The following PLAAT1 variants were observed in gnomAD, a reference collection of about 807,000 sequenced individuals.
The protein encoded by PLAAT1 is H-REV107 protein-related protein.
A neutral mutation model predicts 16.4 loss-of-function variants in PLAAT1; 13 were observed. The ratio of observed to expected loss-of-function variants is 0.79; its 90% CI spans 0.52 to 1.26. The LOEUF is 1.26. Among genes scored for constraint, PLAAT1 ranks in the 50% most tolerant of loss-of-function variants. The pLI is 0.00. For missense variants in PLAAT1, 218 were observed against 207.8 expected, an observed-to-expected ratio of 1.05 and a Z score of -0.30; for synonymous variants, 73 against 78.4, an observed-to-expected ratio of 0.93 and a Z score of 0.36.
At chr3:193,242,430 A>AT (rs1715803342) in intron 1 of PLAAT1, among the ~76,000 whole-genome samples, 1 of 152,044 alleles carries the variant, frequency 6.6e-6, no homozygotes. Flanking sequence ...ATCGACTTGG[A>AT]TTTTTTAAGA....
At chr3:193,267,154 A>G (rs906072199) in intron 3 of PLAAT1, among the ~76,000 whole-genome samples, 1 of 152,170 alleles carries the variant, frequency 6.6e-6, no homozygotes, top group Non-Finnish European at 1.5e-5. Flanking sequence ...CTTCATCAAT[A>G]TGTCACATCA....
At chr3:193,251,346 T>C (rs1262090864) in intron 1 of PLAAT1, among the ~76,000 whole-genome samples, 4 of 152,154 alleles carry the variant, frequency 2.6e-5, no homozygotes, top group Non-Finnish European at 5.9e-5. Context: ...TGAAGAGGTT[T>C]ATTCTTTTTT....
At chr3:193,270,502 T>G in intron 3 of PLAAT1, 102 bp from the exon 4 acceptor site, 1 of 978,518 alleles carries the variant, frequency 1.0e-6, no homozygotes, top group Non-Finnish European at 1.5e-6. Flanking sequence ...CATTGTACAT[T>G]AAAACAGGTG....
At position 193,263,079 on chromosome 3, in the gene PLAAT1, C is replaced by T. The variant is rs751225264; in HGVS notation, c.249C>T (p.Asn83=). 3 of 1,614,006 alleles carry T rather than the reference C, an allele frequency of 1.9e-6. No individual in the cohort carries two copies. The South Asian group carries it at 3.3e-5, about 18-fold the overall frequency. The change falls in exon 3 of 4, where the codon AAC becomes AAT. Residue 83 remains asparagine, a synonymous_variant. Coordinates refer to ENST00000264735, the MANE Select transcript of PLAAT1 (RefSeq NM_020386.5). The part of the protein sequence containing the change: ...DVVGNDTYRI[N]NKYDETYPPL... ...TGGGAAATGACACATACAGAATAAA[C>T]AATAAATACGATGAAACGTACCCCC...
chr3:193,275,259 C>A, downstream of PLAAT1: 2 of 1,614,014 alleles, frequency 1.2e-6, no homozygotes, highest in Non-Finnish European at 1.7e-6. Flanking sequence ...TCCAAATTCT[C>A]TTTTGATCAA....
At chr3:193,244,410 T>C (rs1325979535) in intron 1 of PLAAT1, among the ~76,000 whole-genome samples, 1 of 152,104 alleles carries the variant, frequency 6.6e-6, no homozygotes, top group Admixed American at 6.6e-5. Context: ...CAACATTTGA[T>C]GTTGTCACTG....
At chr3:193,244,260 A>G (rs1715889322) in intron 1 of PLAAT1, among the ~76,000 whole-genome samples, 1 of 152,124 alleles carries the variant, frequency 6.6e-6, no homozygotes, top group Admixed American at 6.5e-5. Flanking sequence ...AAATGCCTAG[A>G]AGTACAGTTG....
At chr3:193,242,120 C>T (rs1238568300) in intron 1 of PLAAT1, among the ~76,000 whole-genome samples, 1 of 142,954 alleles carries the variant, frequency 7.0e-6, no homozygotes, top group Non-Finnish European at 1.5e-5. Flanking sequence ...TTTTTTTTTG[C>T]GCTTTTTTTT....
At chr3:193,270,449 C>T (rs1212164656) in intron 3 of PLAAT1, among the ~76,000 whole-genome samples, 155 bp from the exon 4 acceptor site, 3 of 152,182 alleles carry the variant, frequency 2.0e-5, no homozygotes, top group Admixed American at 2.0e-4. Context: ...ATTTCTTCAT[C>T]TTTATGCAGA....
At chr3:193,272,122 A>G (rs1222014184), downstream of PLAAT1, among the ~76,000 whole-genome samples, 1 of 152,050 alleles carries the variant, frequency 6.6e-6, no homozygotes, top group Non-Finnish European at 1.5e-5. Flanking sequence ...TGTTCCTTTT[A>G]TGCCTTGTTC....
intron 1 of PLAAT1, among the ~76,000 whole-genome samples, chr3:193,255,246 G>A (rs2367471): frequency 0.9 from 137,427 of 152,210 alleles, 62,266 homozygotes; most frequent in East Asian, 0.98. Flanking sequence ...GATATTATAT[G>A]TTTACTTTCC....
At chr3:193,258,610 A>G (rs1306395320) in intron 2 of PLAAT1, among the ~76,000 whole-genome samples, 2 of 152,194 alleles carry the variant, frequency 1.3e-5, no homozygotes, top group African/African-American at 2.4e-5. Flanking sequence ...CCTAGAGACT[A>G]TTATGAACAC....
At chr3:193,279,533 T>C, downstream of PLAAT1, 1 of 1,139,506 alleles carries the variant, frequency 8.8e-7, no homozygotes, top group East Asian at 2.4e-5. Context: ...GAATCAATTA[T>C]CTCTGTTGGG....
downstream of PLAAT1, chr3:193,281,320 A>G: frequency 2.3e-6 from 1 of 444,308 alleles, no homozygotes. Context: ...ATGGTCTAAA[A>G]ACTAGGTCTC....
chr3:193,254,352 T>A (rs910022208), intron 1 of PLAAT1, among the ~76,000 whole-genome samples: 2 of 152,182 alleles, frequency 1.3e-5, no homozygotes, highest in African/African-American at 4.8e-5. Flanking sequence ...CTATTATAAT[T>A]TAGATGATTT....
chr3:193,256,863 A>G (rs1293703995), intron 2 of PLAAT1, among the ~76,000 whole-genome samples: 1 of 152,188 alleles, frequency 6.6e-6, no homozygotes, highest in Non-Finnish European at 1.5e-5. Flanking sequence ...CATATTTTCA[A>G]TAGGGGAATG....
At chr3:193,255,422 T>C (rs1716338842) in intron 1 of PLAAT1, among the ~76,000 whole-genome samples, 1 of 152,172 alleles carries the variant, frequency 6.6e-6, no homozygotes, top group African/African-American at 2.4e-5. Context: ...TGAGAAGCAT[T>C]ACTATAGAAA....
chr3:193,241,408 C>T lies in PLAAT1; in HGVS notation c.-126C>T. The T allele has an allele frequency of 8.1e-7, 1 of 1,231,856 alleles. No individual in the cohort carries two copies. The highest frequency in any genetic ancestry group is 1.0e-6 in the Non-Finnish European group (1 of 988,092). 76.3% of individuals were successfully genotyped at this position (1,231,856 alleles called of 1,614,324 possible). On this transcript the variant is annotated 5_prime_UTR_variant, in exon 1 of 4. Coordinates refer to ENST00000264735, the MANE Select transcript of PLAAT1 (RefSeq NM_020386.5). The stretch of plus-strand genomic sequence containing the variant: ...CTGGCGCCTGCCTCCCGGGTGTCTC[C>T]CGGGTACAGATGGAGTCGTCCCGCG...
chr3:193,275,330 A>G, downstream of PLAAT1: 1 of 1,607,656 alleles, frequency 6.2e-7, no homozygotes, highest in African/African-American at 1.3e-5. Flanking sequence ...AAAACAATCA[A>G]TTTATTGCGC....
Sources: gnomAD v4.1 joint callset for allele counts (sites outside exome capture counted in the v4.1 genomes callset) on GRCh38, gnomAD v4.1.1 for gene constraint, MANE v1.5 for transcripts, NCBI Gene and HGNC (gene_info 2026-07-23, HGNC 2026-07-21) for gene names.